CDH18: variants seen among roughly 807,000 people sequenced by gnomAD.
CDH18 encodes the protein cadherin 18.
CDH18 carries 31 observed loss-of-function variants against 67.9 expected under a neutral mutation model. The ratio of observed to expected loss-of-function variants is 0.46; its 90% CI spans 0.34 to 0.62. CDH18 has a LOEUF of 0.62. CDH18 is among the 20% of genes least tolerant of loss of function. The pLI is 0.01. For synonymous variants in CDH18, 362 were observed against 347.2 expected, an observed-to-expected ratio of 1.04 and a Z score of -0.48; for missense variants, 890 against 975.5, an observed-to-expected ratio of 0.91 and a Z score of 1.17.
intron 1 of CDH18, among the ~76,000 whole-genome samples, chr5:20,478,682 C>T (rs914356216): frequency 6.6e-6 from 1 of 151,198 alleles, no homozygotes; most frequent in African/African-American, 2.4e-5. Flanking sequence ...GGGAGCTCAC[C>T]ACCCTGAAGG....
intron 5 of CDH18, among the ~76,000 whole-genome samples, chr5:19,702,347 C>G (rs1763382021): frequency 6.6e-6 from 1 of 151,700 alleles, no homozygotes; most frequent in African/African-American, 2.4e-5. Context: ...GGTGGTTTCA[C>G]CATGTTGCCC....
At chr5:20,451,131 AT>A (rs1198243269) in intron 1 of CDH18, among the ~76,000 whole-genome samples, 1 of 152,106 alleles carries the variant, frequency 6.6e-6, no homozygotes, top group Non-Finnish European at 1.5e-5. Context: ...ATTATTCTTT[AT>A]TGTAATTACT....
chr5:19,629,295 T>C (rs923325219), intron 5 of CDH18, among the ~76,000 whole-genome samples: 1 of 152,102 alleles, frequency 6.6e-6, no homozygotes, highest in South Asian at 2.1e-4. Flanking sequence ...AGAGTGTTAA[T>C]TTGGGATATT....
rs1384488436 is a variant in CDH18, at chr5:20,489,967, C to T, written c.-580+85495G>A. ...AACACTAGATTTTTATTTACATATA[C>T]AAACTAGAAAGATTTTTCCATATGC... On this transcript the variant is annotated intron_variant, in intron 1 of 14. Transcript: ENST00000507958. Among the ~76,000 whole-genome samples, 2 of 151,406 alleles carry T rather than the reference C, an allele frequency of 1.3e-5. 1 individual carries two copies. The highest frequency in any genetic ancestry group is 3.0e-5 in the Non-Finnish European group (2 of 67,770).
chr5:20,566,360 C>CTT (rs529048391), intron 1 of CDH18, among the ~76,000 whole-genome samples: 1,426 of 119,220 alleles, frequency 0.012, 20 homozygotes, highest in African/African-American at 0.019. Flanking sequence ...TTTTCTTTTT[C>CTT]TTTTTTTTTT....
At chr5:19,688,932 T>C (rs1486141440) in intron 5 of CDH18, among the ~76,000 whole-genome samples, 7 of 151,980 alleles carry the variant, frequency 4.6e-5, no homozygotes, top group Admixed American at 2.0e-4. Flanking sequence ...TAGACTAGAT[T>C]AAGTAGAATA....
chr5:19,788,471 T>G (rs1776040694), intron 3 of CDH18, among the ~76,000 whole-genome samples: 1 of 152,192 alleles, frequency 6.6e-6, no homozygotes, highest in Admixed American at 6.5e-5. Flanking sequence ...AAGAATATAT[T>G]CTGGGCTAGT....
At chr5:19,530,736 A>G (rs1161835291) in intron 9 of CDH18, among the ~76,000 whole-genome samples, 1 of 152,178 alleles carries the variant, frequency 6.6e-6, no homozygotes, top group Non-Finnish European at 1.5e-5. Flanking sequence ...TTCCGGTTTC[A>G]TCCATGTCCC....
chr5:19,550,736 G>T (rs1737284561), intron 8 of CDH18, among the ~76,000 whole-genome samples: 1 of 152,102 alleles, frequency 6.6e-6, no homozygotes, highest in Non-Finnish European at 1.5e-5. Context: ...GTGTGCATGT[G>T]TCTTTATAGC....
chr5:19,987,061 T>C (rs1346316771), intron 1 of CDH18, among the ~76,000 whole-genome samples: 1 of 152,100 alleles, frequency 6.6e-6, no homozygotes, highest in Non-Finnish European at 1.5e-5. Flanking sequence ...CCATAATACT[T>C]TTAGCTAAGA....
At chr5:19,802,366 TA>T (rs1777560182) in intron 3 of CDH18, among the ~76,000 whole-genome samples, 1 of 152,006 alleles carries the variant, frequency 6.6e-6, no homozygotes, top group Admixed American at 6.5e-5. Flanking sequence ...ACCTGACAAG[TA>T]AAATCTCTTT....
At chr5:19,877,742 A>C (rs1315853016) in intron 2 of CDH18, among the ~76,000 whole-genome samples, 1 of 152,170 alleles carries the variant, frequency 6.6e-6, no homozygotes, top group African/African-American at 2.4e-5. Context: ...TGTCATTCAA[A>C]GGCACCGATG....
chr5:19,845,648 G>A (rs7708832), intron 2 of CDH18, among the ~76,000 whole-genome samples: 135,432 of 151,986 alleles, frequency 0.89, 60,483 homozygotes, highest in Non-Finnish European at 0.92. Context: ...TCTCTATTCA[G>A]TTCTGTCAAT....
At chr5:20,352,624 C>CAA (rs35947411) in intron 1 of CDH18, among the ~76,000 whole-genome samples, 9,822 of 88,942 alleles carry the variant, frequency 0.11, 764 homozygotes, top group African/African-American at 0.25. Flanking sequence ...ACTAAAAATA[C>CAA]AAAAAAAAAA....
At chr5:20,016,855 A>G (rs1395477629) in intron 2 of CDH18, among the ~76,000 whole-genome samples, 1 of 152,114 alleles carries the variant, frequency 6.6e-6, no homozygotes, top group Non-Finnish European at 1.5e-5. Flanking sequence ...AGGTGTTTGC[A>G]GTTTCCAAGT....
intron 2 of CDH18, among the ~76,000 whole-genome samples, chr5:19,888,524 T>C (rs1788463609): frequency 6.6e-6 from 1 of 151,994 alleles, no homozygotes; most frequent in South Asian, 2.1e-4. Flanking sequence ...TATAAATTTA[T>C]ATATATGTAG....
intron 1 of CDH18, among the ~76,000 whole-genome samples, chr5:20,523,424 A>G (rs1037373734): frequency 3.9e-5 from 6 of 152,170 alleles, no homozygotes; most frequent in Middle Eastern, 3.2e-3. Context: ...TGTATTCTTT[A>G]TATTACAATT....
intron 9 of CDH18, among the ~76,000 whole-genome samples, chr5:19,539,335 C>T (rs548798279): frequency 6.6e-6 from 1 of 152,002 alleles, no homozygotes; most frequent in Non-Finnish European, 1.5e-5. Context: ...TAAAAATATA[C>T]CTATATTTTA....
chr5:20,380,830 T>C (rs1400917294), intron 1 of CDH18, among the ~76,000 whole-genome samples: 1 of 152,202 alleles, frequency 6.6e-6, no homozygotes, highest in Non-Finnish European at 1.5e-5. Context: ...TGATTAACTA[T>C]GGACAATTAG....
Sources: allele counts gnomAD v4.1 joint callset (sites outside exome capture counted in the v4.1 genomes callset), GRCh38; gene constraint gnomAD v4.1.1; transcripts MANE v1.5; gene names NCBI Gene and HGNC (gene_info 2026-07-23, HGNC 2026-07-21).